Variants in PHIP observed in about 807,000 individuals in gnomAD.
PHIP encodes PH-interacting protein.
In PHIP, 54 loss-of-function variants were observed where a neutral mutation model predicts 236.8. The observed-to-expected ratio is 0.23, with a 90% CI of 0.18 to 0.29. The LOEUF is 0.29. PHIP is among the 10% of genes least tolerant of loss of function. The pLI is 1.00. For missense variants in PHIP, 1,370 were observed against 2,190.8 expected, an observed-to-expected ratio of 0.63 and a Z score of 7.48; for synonymous variants, 756 against 718.9, an observed-to-expected ratio of 1.05 and a Z score of -0.83.
chr6:79,049,872 T>C (rs1205041824), intron 6 of PHIP, among the ~76,000 whole-genome samples: 1 of 152,184 alleles, frequency 6.6e-6, no homozygotes, highest in Admixed American at 6.5e-5. Flanking sequence ...ATCAGATAAA[T>C]GTATTGTGTG....
intron 15 of PHIP, among the ~76,000 whole-genome samples, chr6:79,008,188 TAA>T (rs774861393): frequency 4.3e-5 from 6 of 138,752 alleles, no homozygotes; most frequent in Non-Finnish European, 4.7e-5. Flanking sequence ...AGACTCCGTC[TAA>T]AAAAAAAAAA....
At chr6:78,993,191 T>C (rs1283408768) in intron 19 of PHIP, among the ~76,000 whole-genome samples, 1 of 152,212 alleles carries the variant, frequency 6.6e-6, no homozygotes, top group Non-Finnish European at 1.5e-5. Flanking sequence ...GGGAAAAAGC[T>C]GCAGAAGAAA....
chr6:79,051,044 G>A (rs1211477345), intron 6 of PHIP, among the ~76,000 whole-genome samples: 1 of 152,042 alleles, frequency 6.6e-6, no homozygotes, highest in Non-Finnish European at 1.5e-5. Flanking sequence ...TGTTTCGGAG[G>A]GAATCATATA....
At chr6:79,004,228 T>A (rs924208956) in intron 15 of PHIP, among the ~76,000 whole-genome samples, 2 of 152,098 alleles carry the variant, frequency 1.3e-5, no homozygotes, top group Non-Finnish European at 2.9e-5. Context: ...ACTGTACGGA[T>A]TTTTTGGTAA....
chr6:78,953,966 G>A (rs535726212), intron 35 of PHIP, among the ~76,000 whole-genome samples: 10 of 152,206 alleles, frequency 6.6e-5, no homozygotes, highest in East Asian at 3.9e-4. Flanking sequence ...ATGATTGCAC[G>A]CCAAAATAAA....
At chr6:79,077,965 G>A (rs755824404) in intron 1 of PHIP, 52 bp from the exon 2 acceptor site, 9 of 1,588,518 alleles carry the variant, frequency 5.7e-6, no homozygotes, top group South Asian at 4.5e-5. Flanking sequence ...GTCGGGCGGC[G>A]GGGGGCGGGG....
At chr6:79,051,479 T>C (rs1296399914) in intron 6 of PHIP, among the ~76,000 whole-genome samples, 1 of 152,216 alleles carries the variant, frequency 6.6e-6, no homozygotes, top group African/African-American at 2.4e-5. Flanking sequence ...GCTTTAATAC[T>C]ATAACTAAAA....
At chr6:79,057,453 G>A (rs1344797494) in intron 6 of PHIP, among the ~76,000 whole-genome samples, 2 of 152,080 alleles carry the variant, frequency 1.3e-5, no homozygotes, top group Non-Finnish European at 2.9e-5. Context: ...GGGGTATACA[G>A]GAGCTCTTTA....
chr6:79,064,188 C>G (rs773245684), intron 4 of PHIP, among the ~76,000 whole-genome samples: 1 of 152,100 alleles, frequency 6.6e-6, no homozygotes, highest in African/African-American at 2.4e-5. Context: ...TCTGACTGCA[C>G]GGAAATCCTA....
At chr6:79,028,778 C>A (rs1046712532) in intron 7 of PHIP, among the ~76,000 whole-genome samples, 1 of 152,166 alleles carries the variant, frequency 6.6e-6, no homozygotes, top group Non-Finnish European at 1.5e-5. Context: ...TCATGTTATG[C>A]TTCACAATAC....
chr6:79,056,379 G>A (rs1261511001), intron 6 of PHIP, among the ~76,000 whole-genome samples: 1 of 152,170 alleles, frequency 6.6e-6, no homozygotes, highest in Non-Finnish European at 1.5e-5. Context: ...AGAGCACAAA[G>A]TGCAGGTGAG....
At chr6:79,000,545 C>T (rs1476154048) in intron 17 of PHIP, among the ~76,000 whole-genome samples, 1 of 152,044 alleles carries the variant, frequency 6.6e-6, no homozygotes, top group African/African-American at 2.4e-5. Context: ...TTAATTAGCA[C>T]TGATACTTTA....
At position 78,985,403 on chromosome 6, in the gene PHIP, C is replaced by T; in HGVS notation, c.2486G>A (p.Gly829Asp). ...SDEGEVVAVS[G>D]GTSEEEERAW... ...TCTCTCTTCTTCTTCGGATGTTCCA[C>T]CACTGACAGCAACTACTTCGCCTTC... The change falls in exon 22 of 40, where the codon GGT (glycine) becomes GAT (aspartate). Residue 829 changes from glycine to aspartate, a missense_variant. Physicochemically the swap from Gly to Asp is moderately conservative, Grantham distance 94 (BLOSUM62 -1). Coordinates refer to ENST00000275034, the MANE Select transcript of PHIP (RefSeq NM_017934.7). 1 of 1,596,456 alleles carries T rather than the reference C, an allele frequency of 6.3e-7. No homozygotes were observed. The highest frequency in any genetic ancestry group is 8.6e-7 in the Non-Finnish European group (1 of 1,164,090).
chr6:78,952,055 T>C (rs1774191391), intron 35 of PHIP, among the ~76,000 whole-genome samples: 1 of 152,194 alleles, frequency 6.6e-6, no homozygotes, highest in Non-Finnish European at 1.5e-5. Context: ...TCACTCTTAT[T>C]CTAGGTAAAG....
intron 7 of PHIP, among the ~76,000 whole-genome samples, chr6:79,028,367 AGTATG>A (rs898841519): frequency 6.6e-6 from 1 of 152,192 alleles, no homozygotes; most frequent in Non-Finnish European, 1.5e-5. Context: ...TTGTTAAAAT[AGTATG>A]GTCAGGAGAG....
rs1773415766 is a variant in PHIP at position 79,062,262 on chromosome 6, T to C, written c.190-1444A>G. 2.0e-5 allele frequency among the ~76,000 whole-genome samples: 3 copies of C among 152,294 alleles called. No homozygotes were observed. The South Asian group carries it at 6.2e-4, about 32-fold the overall frequency. ...ACTCATTTAGCTACAGAATCCCTTT[T>C]TTCCCTAATAATATCTATCATATTC... On this transcript the variant is annotated intron_variant, in intron 4 of 39. Coordinates refer to ENST00000275034, the MANE Select transcript of PHIP (RefSeq NM_017934.7).
At chr6:79,077,656 C>A (rs1375435256) in intron 3 of PHIP, 44 bp downstream of exon 3, 2 of 952,012 alleles carry the variant, frequency 2.1e-6, no homozygotes, top group Non-Finnish European at 1.2e-6. Context: ...GGCCCAGAGG[C>A]GGCCGCGCGG....
intron 39 of PHIP, 113 bp downstream of exon 39, chr6:78,945,187 T>C (rs1390087701): frequency 2.7e-6 from 2 of 737,312 alleles, no homozygotes; most frequent in Non-Finnish European, 4.8e-6. Context: ...CTAATACAGA[T>C]GTGTGACTTT....
At chr6:79,044,493 C>A (rs939993702) in intron 6 of PHIP, among the ~76,000 whole-genome samples, 2 of 152,126 alleles carry the variant, frequency 1.3e-5, no homozygotes, top group Non-Finnish European at 2.9e-5. Flanking sequence ...GCAAGAATCA[C>A]ACAAAAACCA....
Sources: gnomAD v4.1 joint callset for allele counts (sites outside exome capture counted in the v4.1 genomes callset) on GRCh38, gnomAD v4.1.1 for gene constraint, MANE v1.5 for transcripts, NCBI Gene and HGNC (gene_info 2026-07-23, HGNC 2026-07-21) for gene names.